The following RRP12 variants were observed in gnomAD, a reference collection of about 807,000 sequenced individuals.
The protein encoded by RRP12 is ribosomal RNA processing 12 homolog.
In RRP12, 78 loss-of-function variants were observed where a neutral mutation model predicts 157.3. That is an observed-to-expected ratio of 0.50 (90% CI 0.41 to 0.60). RRP12 has a LOEUF of 0.60. RRP12 is among the 20% of genes least tolerant of loss of function. RRP12 has a pLI of 0.00. For missense variants in RRP12, 1,521 were observed against 1,679.9 expected (o/e 0.91, Z 1.65); for synonymous variants, 726 against 670.9 (o/e 1.08, Z -1.27).
In RRP12 at chr10:97,373,097, G is replaced by A. The variant is rs1297052330; in HGVS notation, c.2130C>T (p.Arg710=). 2.5e-6 allele frequency: 4 copies of A among 1,613,984 alleles called. No homozygotes were observed. The South Asian group carries it at 4.4e-5, about 18-fold the overall frequency. The change falls in exon 18 of 34, where the codon CGC becomes CGT. Residue 710 remains arginine, a synonymous_variant. Coordinates refer to ENST00000370992, the MANE Select transcript of RRP12 (RefSeq NM_015179.4). The stretch of plus-strand genomic sequence containing the variant: ...TTCTGATGGTTTCCAGCACAGCCCG[G>A]CGAGGGGCTGGAGTGTCCCCGGCTG... ...PVAAGDTPAP[R]RAVLETIRTY...
At chr10:97,388,766 C>G in intron 6 of RRP12, 142 bp from the exon 7 acceptor site, 1 of 1,005,394 alleles carries the variant, frequency 9.9e-7, no homozygotes, top group African/African-American at 1.6e-5. Context: ...CAGTGCTACA[C>G]CAGGGCCTTC....
rs1844207527 is a variant in RRP12, at chr10:97,373,159, G to C, written c.2068C>G (p.Leu690Val). 1 of 1,614,220 alleles carries C rather than the reference G, an allele frequency of 6.2e-7. No individual in the cohort carries two copies. The highest frequency in any genetic ancestry group is 1.7e-5 in the Admixed American group (1 of 60,022). ...CCATACAGGTTGAAGAGGATCGGCAGAAAGTTCTTGGCAAAGCGACTCACT... is the reference window on the plus strand; with the variant it reads ...CCATACAGGTTGAAGAGGATCGGCACAAAGTTCTTGGCAAAGCGACTCACT... ...AEVSRFAKNF[L>V]PILFNLYGQP... The change falls in exon 18 of 34, where the codon CTG becomes GTG. Residue 690 changes from leucine (L) to valine (V), a missense_variant. Transcript: ENST00000370992.
chr10:97,382,657 T>C (rs1001634181), intron 10 of RRP12, among the ~76,000 whole-genome samples: 2 of 152,174 alleles, frequency 1.3e-5, no homozygotes, highest in African/African-American at 2.4e-5. Context: ...AGAGTATACA[T>C]AGAGAAACAA....
chr10:97,401,341 G>T (rs1196034626), upstream of RRP12: 1 of 1,387,802 alleles, frequency 7.2e-7, no homozygotes, highest in Non-Finnish European at 1.0e-6. Context: ...CTCTTCTTCT[G>T]GCGTCACTTC....
At chr10:97,389,598 A>C (rs1844743857) in intron 6 of RRP12, among the ~76,000 whole-genome samples, 1 of 152,170 alleles carries the variant, frequency 6.6e-6, no homozygotes, top group Non-Finnish European at 1.5e-5. Context: ...CAGAGGAAAC[A>C]GTGGGGAACC....
Position 97,370,428 on chromosome 10 carries a change from G to T in RRP12, c.2689+27C>A. 2.6e-6 allele frequency: 4 copies of T among 1,525,264 alleles called. No individual in the cohort carries two copies. The Middle Eastern group carries it at 5.2e-4, about 200-fold the overall frequency. 94.5% of individuals were successfully genotyped at this position (1,525,264 alleles called of 1,614,324 possible). The stretch of plus-strand genomic sequence containing the variant: ...CCCCCACCCAGTCTATGAGCAGAGT[G>T]TCCACCCCCAGCCCCCTGGGCCTCA... On this transcript the variant is annotated intron_variant, in intron 23 of 33. Coordinates refer to ENST00000370992, the MANE Select transcript of RRP12 (RefSeq NM_015179.4).
At position 97,373,141 on chromosome 10, in the gene RRP12, G is replaced by A; in HGVS notation, c.2086C>T (p.Leu696=). The change falls in exon 18 of 34, where the codon CTG becomes TTG. Residue 696 remains leucine (L), a synonymous_variant. Coordinates refer to ENST00000370992, the MANE Select transcript of RRP12 (RefSeq NM_015179.4). ...AKNFLPILFN[L]YGQPVAAGDT... ...CCGGCTGCCACGGGCTGCCCATACA[G>A]GTTGAAGAGGATCGGCAGAAAGTTC... 1.2e-6 allele frequency: 2 copies of A among 1,614,222 alleles called. No individual in the cohort carries two copies. The highest frequency in any genetic ancestry group is 1.7e-6 in the Non-Finnish European group (2 of 1,180,048).
At chr10:97,358,459 C>T (rs1488908352) in intron 33 of RRP12, 78 bp downstream of exon 33, 3 of 1,071,172 alleles carry the variant, frequency 2.8e-6, no homozygotes, top group Non-Finnish European at 2.9e-6. Flanking sequence ...TTAATAAGGC[C>T]TTCCCTTCTT....
At chr10:97,378,554 C>A (rs1844373373) in intron 15 of RRP12, among the ~76,000 whole-genome samples, 1 of 152,078 alleles carries the variant, frequency 6.6e-6, no homozygotes, top group Non-Finnish European at 1.5e-5. Context: ...TACATATATA[C>A]TCATATATAT....
rs772215264 is a variant in RRP12 at position 97,360,568 on chromosome 10, C to T, written c.3618G>A (p.Leu1206=). ...CACCTTGGTACTGAGGGGGTATCTC[C>T]AGCTCCTCCTCCTCAGCCTCTTTCT... is the stretch of plus-strand genomic sequence containing the variant. ...KHQKEAEEEE[L]EIPPQYQAGG... is the part of the protein sequence containing the mutation. Residue 1206 remains leucine, a synonymous_variant, in exon 31 of 34, where the codon CTG becomes CTA. Coordinates refer to ENST00000370992, the MANE Select transcript of RRP12 (RefSeq NM_015179.4). 9.9e-6 allele frequency: 16 copies of T among 1,613,784 alleles called. No homozygotes were observed. In the Admixed American group the frequency reaches 1.8e-4, roughly 18 times the overall value.
chr10:97,373,626 C>T lies in RRP12; in HGVS notation c.1975G>A (p.Val659Ile). 6.2e-7 allele frequency: 1 copy of T among 1,613,066 alleles called. No homozygotes were observed. Residue 659 changes from valine to isoleucine, a missense_variant, in exon 17 of 34, where the codon GTC becomes ATC. Coordinates refer to ENST00000370992, the MANE Select transcript of RRP12 (RefSeq NM_015179.4). ...MAISERPDLR[V>I]TVCQALRTLI... ...GTGCGCAGGGCCTGGCACACGGTGA[C>T]CCTCAGGTCTGGACGCTCGCTGATG...
rs370146748 is a variant in RRP12, at chr10:97,360,561, G to C, written c.3625C>G (p.Pro1209Ala). The change falls in exon 31 of 34, where the codon CCC (proline) becomes GCC (alanine). Residue 1209 changes from proline (P) to alanine (A), a missense_variant. Pro to Ala is a conservative substitution (Grantham distance 27). Transcript: ENST00000370992. ...GAAGCCTCACCTTGGTACTGAGGGG[G>C]TATCTCCAGCTCCTCCTCCTCAGCC... ...KEAEEEELEI[P>A]PQYQAGGSGI... 3.7e-6 allele frequency: 6 copies of C among 1,613,444 alleles called. No individual in the cohort carries two copies. The African/African-American group carries it at 8.0e-5, about 22-fold the overall frequency.
intron 2 of RRP12, among the ~76,000 whole-genome samples, chr10:97,398,353 CTTT>C (rs58136206): frequency 3.5e-5 from 2 of 57,536 alleles, no homozygotes; most frequent in Non-Finnish European, 6.3e-5. Context: ...CGCGCCCGGC[CTTT>C]TTTTTTTTTT....
At chr10:97,384,009 A>G (rs1425878933) in intron 10 of RRP12, among the ~76,000 whole-genome samples, 2 of 152,190 alleles carry the variant, frequency 1.3e-5, no homozygotes, top group African/African-American at 4.8e-5. Flanking sequence ...CTCACTTGAC[A>G]TGGAGATGCC....
chr10:97,395,850 CAAAAA>C (rs548342202), intron 3 of RRP12, among the ~76,000 whole-genome samples: 9 of 105,350 alleles, frequency 8.5e-5, no homozygotes, highest in Admixed American at 3.1e-4. Context: ...GACTCCGCCT[CAAAAA>C]AAAAAAAAAA....
At chr10:97,368,754 C>T (rs1046832311) in intron 25 of RRP12, among the ~76,000 whole-genome samples, 9 of 152,204 alleles carry the variant, frequency 5.9e-5, no homozygotes, top group South Asian at 4.1e-4. Context: ...CCGAGGGCAG[C>T]GGGAGGGCAT....
At position 97,400,508 on chromosome 10, in the gene RRP12, C is replaced by T; in HGVS notation, c.166G>A (p.Val56Met). ...SGRSDLTVDA[V>M]KLHNELQSGS... ...GACTGCAGCTCATTATGTAACTTCA[C>T]AGCATCGACTGTCAGGTCACTCCTT... is the stretch of plus-strand genomic sequence containing the variant. The change falls in exon 2 of 34, where the codon GTG (valine) becomes ATG (methionine). Residue 56 changes from valine (V) to methionine (M), a missense_variant. Val to Met is a conservative substitution (Grantham distance 21, BLOSUM62 1). Coordinates refer to ENST00000370992, the MANE Select transcript of RRP12 (RefSeq NM_015179.4). 6.2e-7 allele frequency: 1 copy of T among 1,613,984 alleles called. No homozygotes were observed. Among genetic ancestry groups the T allele is most frequent in the Non-Finnish European group, 8.5e-7 (1 of 1,179,998 alleles).
chr10:97,385,854 C>T (rs1481765637), intron 9 of RRP12, 41 bp downstream of exon 9: 2 of 1,427,184 alleles, frequency 1.4e-6, no homozygotes, highest in African/African-American at 1.4e-5. Context: ...CAAGGCACCA[C>T]CCCCGACCTA....
chr10:97,393,183 T>C, intron 4 of RRP12: 1 of 407,962 alleles, frequency 2.5e-6, no homozygotes, highest in Admixed American at 2.9e-5. Flanking sequence ...CCAAAAAAGT[T>C]TCATTTTCAA....
Sources: allele counts gnomAD v4.1 joint callset (sites outside exome capture counted in the v4.1 genomes callset), GRCh38; gene constraint gnomAD v4.1.1; transcripts MANE v1.5; gene names NCBI Gene and HGNC (gene_info 2026-07-23, HGNC 2026-07-21).